Variants in MEGF10 observed in about 807,000 individuals in gnomAD.
The protein encoded by MEGF10 is multiple EGF like domains 10.
MEGF10 carries 86 observed loss-of-function variants against 147.5 expected under a neutral mutation model. That is an observed-to-expected ratio of 0.58 (90% CI 0.49 to 0.70). MEGF10 has a LOEUF of 0.70. Among genes scored for constraint, MEGF10 ranks in the 30% least tolerant of loss-of-function variants. The probability of loss-of-function intolerance (pLI) is 0.00; values close to 1 mark genes in which losing one functional copy is unlikely to be tolerated. For synonymous variants in MEGF10, 478 were observed against 525.5 expected, an observed-to-expected ratio of 0.91 and a Z score of 1.24; for missense variants, 1,329 against 1,487.3, an observed-to-expected ratio of 0.89 and a Z score of 1.75.
At chr5:127,422,186 A>G (rs1460307310) in intron 12 of MEGF10, among the ~76,000 whole-genome samples, 8 of 152,158 alleles carry the variant, frequency 5.3e-5, no homozygotes, top group Admixed American at 2.0e-4. Flanking sequence ...CCTGGAGCCT[A>G]TATTTTGGGG....
At chr5:127,355,103 C>T (rs903310559) in intron 4 of MEGF10, among the ~76,000 whole-genome samples, 13 of 152,028 alleles carry the variant, frequency 8.6e-5, no homozygotes, top group Non-Finnish European at 4.4e-5. Flanking sequence ...AGGGAAGATG[C>T]CTTGTTTTGG....
At chr5:127,344,958 G>A (rs1031042180) in intron 4 of MEGF10, among the ~76,000 whole-genome samples, 4 of 152,210 alleles carry the variant, frequency 2.6e-5, no homozygotes, top group African/African-American at 9.6e-5. Context: ...AGGTGCTCCT[G>A]CCTTCTCTGT....
At chr5:127,281,525 G>A in the MEGF10 span, among the ~76,000 whole-genome samples, 1 of 152,216 alleles carries the variant, frequency 6.6e-6, no homozygotes, top group Non-Finnish European at 1.5e-5. Context: ...GGTGTGACCA[G>A]GGGCCAGTGG....
intron 9 of MEGF10, among the ~76,000 whole-genome samples, chr5:127,415,936 C>G (rs1764751186): frequency 1.4e-5 from 2 of 148,098 alleles, no homozygotes; most frequent in South Asian, 4.4e-4. Context: ...TCTAGATAAA[C>G]TAAGTGACTG....
At chr5:127,414,561 C>T (rs924422059) in intron 9 of MEGF10, among the ~76,000 whole-genome samples, 6 of 152,126 alleles carry the variant, frequency 3.9e-5, no homozygotes, top group East Asian at 1.9e-4. Context: ...ATTTTAAAAA[C>T]GAATTTTAGA....
intron 22 of MEGF10, among the ~76,000 whole-genome samples, chr5:127,450,750 T>C (rs1766123436): frequency 6.6e-6 from 1 of 152,044 alleles, no homozygotes; most frequent in Non-Finnish European, 1.5e-5. Flanking sequence ...TTTTGTTTTG[T>C]TTTGTTTTGT....
the MEGF10 span, among the ~76,000 whole-genome samples, chr5:127,231,057 C>T: frequency 1.3e-5 from 2 of 152,154 alleles, no homozygotes; most frequent in Non-Finnish European, 2.9e-5. Flanking sequence ...ACCTCTTACA[C>T]GGGATCCATT....
At chr5:127,352,677 A>C (rs1246197014) in intron 4 of MEGF10, among the ~76,000 whole-genome samples, 1 of 147,366 alleles carries the variant, frequency 6.8e-6, no homozygotes, top group Admixed American at 6.8e-5. Context: ...AAAGAAAGAC[A>C]AAAAAAAAAG....
In MEGF10 at chr5:127,411,106, T is replaced by C. The variant is rs189382169; in HGVS notation, c.1130+505T>C. Among the ~76,000 whole-genome samples the C allele has an allele frequency of 2.3e-3, 350 of 152,276 alleles. 3 individuals are homozygous for C. Among genetic ancestry groups the C allele is most frequent in the Middle Eastern group, 0.01 (3 of 294 alleles). ...GTGTTTCACATGTGGCTGTCACATG[T>C]GAAATATCTTTTTCGAATTGATTAC... On this transcript the variant is annotated intron_variant, in intron 9 of 24. Transcript: ENST00000503335.
At chr5:127,234,413 T>C in the MEGF10 span, among the ~76,000 whole-genome samples, 4 of 152,348 alleles carry the variant, frequency 2.6e-5, no homozygotes, top group African/African-American at 7.2e-5. Flanking sequence ...GGTTGGTTTG[T>C]AAAGAAGAAA....
At chr5:127,257,096 C>T in the MEGF10 span, among the ~76,000 whole-genome samples, 1 of 152,084 alleles carries the variant, frequency 6.6e-6, no homozygotes, top group Non-Finnish European at 1.5e-5. Context: ...AGAGGCAGAA[C>T]TTCATTGTGA....
chr5:127,427,025 T>C (rs905124855), intron 13 of MEGF10, among the ~76,000 whole-genome samples: 7 of 152,194 alleles, frequency 4.6e-5, no homozygotes, highest in Non-Finnish European at 1.0e-4. Flanking sequence ...GAAAGCAACT[T>C]TGATACAAAT....
chr5:127,327,609 G>T (rs1273355637), intron 1 of MEGF10, among the ~76,000 whole-genome samples: 1 of 152,040 alleles, frequency 6.6e-6, no homozygotes, highest in South Asian at 2.1e-4. Flanking sequence ...GTGGAAAAAG[G>T]GTACTCACTA....
intron 21 of MEGF10, 121 bp downstream of exon 21, chr5:127,447,805 T>A: frequency 8.0e-7 from 1 of 1,257,510 alleles, no homozygotes. Context: ...ATTATCTAAT[T>A]TATTCCTCTA....
chr5:127,461,222 A>G lies in MEGF10; in HGVS notation c.*3904A>G, dbSNP rs1401618509. The G allele has an allele frequency of 2.0e-5, 3 of 151,924 alleles. No homozygotes were observed. Among genetic ancestry groups the G allele is most frequent in the Non-Finnish European group, 2.9e-5 (2 of 67,964 alleles). 9.4% of individuals were successfully genotyped at this position (151,924 alleles called of 1,614,324 possible). On this transcript the variant is annotated 3_prime_UTR_variant, in exon 25 of 25. Coordinates refer to ENST00000503335, the MANE Select transcript of MEGF10 (RefSeq NM_001256545.2). ...AATGCAATAAACTTTCTAATAAAAA[A>G]CTCTAGTGTTTCTTTCTATATCTGA...
At chr5:127,436,420 G>T (rs554637852) in intron 16 of MEGF10, among the ~76,000 whole-genome samples, 45 of 152,276 alleles carry the variant, frequency 3.0e-4, no homozygotes, top group African/African-American at 1.1e-3. Context: ...ATAAATCTCA[G>T]AAGTGTAGCT....
intron 4 of MEGF10, among the ~76,000 whole-genome samples, chr5:127,358,517 A>G (rs1240103591): frequency 1.3e-5 from 2 of 152,172 alleles, no homozygotes; most frequent in African/African-American, 2.4e-5. Context: ...TTATGGCTCC[A>G]TAGAGAGTGG....
chr5:127,365,078 A>C (rs1762607176), intron 4 of MEGF10, among the ~76,000 whole-genome samples: 1 of 152,228 alleles, frequency 6.6e-6, no homozygotes, highest in South Asian at 2.1e-4. Context: ...ATGAGAGAAA[A>C]TAAGATTTGT....
chr5:127,452,869 C>A (rs1766207013), intron 22 of MEGF10, among the ~76,000 whole-genome samples: 1 of 152,204 alleles, frequency 6.6e-6, no homozygotes, highest in Admixed American at 6.5e-5. Context: ...CCCTGCATAA[C>A]CGTGTGCCCT....
Sources: gnomAD v4.1 joint callset for allele counts (sites outside exome capture counted in the v4.1 genomes callset) on GRCh38, gnomAD v4.1.1 for gene constraint, MANE v1.5 for transcripts, NCBI Gene and HGNC (gene_info 2026-07-23, HGNC 2026-07-21) for gene names.